SCMH1: variants seen among roughly 807,000 people sequenced by gnomAD.
SCMH1 encodes polycomb protein SCMH1.
A neutral mutation model predicts 70.8 loss-of-function variants in SCMH1; 37 were observed. The ratio of observed to expected loss-of-function variants is 0.52; its 90% CI spans 0.40 to 0.69. The LOEUF is 0.69. Ranked by LOEUF, SCMH1 falls within the 30% of genes least tolerant of loss-of-function variation. The pLI, the probability that SCMH1 is intolerant of heterozygous loss-of-function variation, is 0.00. For synonymous variants in SCMH1, 292 were observed against 307.4 expected (o/e 0.95, Z 0.52); for missense variants, 607 against 827.3 (o/e 0.73, Z 3.27).
chr1:41,095,038 G>C (rs1664714383), intron 8 of SCMH1, among the ~76,000 whole-genome samples: 1 of 151,840 alleles, frequency 6.6e-6, no homozygotes, highest in Non-Finnish European at 1.5e-5. Flanking sequence ...TCCTTCTTCT[G>C]CTTTACCTGT....
chr1:41,169,399 C>T (rs1646637512), intron 2 of SCMH1, among the ~76,000 whole-genome samples: 1 of 151,926 alleles, frequency 6.6e-6, no homozygotes, highest in Non-Finnish European at 1.5e-5. Context: ...CCTACATGTT[C>T]CTACTTCCTT....
At chr1:41,147,410 A>G (rs1399486423) in intron 5 of SCMH1, among the ~76,000 whole-genome samples, 1 of 152,160 alleles carries the variant, frequency 6.6e-6, no homozygotes, top group East Asian at 1.9e-4. Flanking sequence ...TTTAGAGTTT[A>G]GGATTTAGAA....
chr1:41,159,836 C>T, intron 4 of SCMH1: 3 of 1,379,220 alleles, frequency 2.2e-6, no homozygotes, highest in Non-Finnish European at 2.8e-6. Flanking sequence ...AGCCGCTGAA[C>T]AGAATGAAAA....
chr1:41,192,124 T>C (rs569656215), intron 1 of SCMH1, among the ~76,000 whole-genome samples: 35 of 152,294 alleles, frequency 2.3e-4, no homozygotes, highest in Admixed American at 1.8e-3. Context: ...AAGTATCTGC[T>C]TCCTTGCCCT....
chr1:41,083,162 T>C (rs1660560742), intron 8 of SCMH1, among the ~76,000 whole-genome samples: 2 of 152,120 alleles, frequency 1.3e-5, no homozygotes, highest in East Asian at 3.9e-4. Context: ...GGGTATTTAA[T>C]TAGGAAAAGA....
chr1:41,106,497 C>G (rs1479751790), intron 8 of SCMH1, among the ~76,000 whole-genome samples: 1 of 151,762 alleles, frequency 6.6e-6, no homozygotes, highest in African/African-American at 2.4e-5. Context: ...AACCTTTTTT[C>G]TTTATAAATT....
chr1:41,178,835 A>G (rs1647801144), intron 2 of SCMH1, among the ~76,000 whole-genome samples: 1 of 152,198 alleles, frequency 6.6e-6, no homozygotes, highest in Admixed American at 6.5e-5. Context: ...ACAAGACAGA[A>G]AGTTAACAAG....
intron 8 of SCMH1, among the ~76,000 whole-genome samples, chr1:41,102,960 C>A (rs760258769): frequency 4.6e-5 from 7 of 152,000 alleles, no homozygotes; most frequent in Non-Finnish European, 1.0e-4. Context: ...CCCTCAGAAC[C>A]TCCTCTTTTT....
chr1:41,096,644 G>A (rs1665153066), intron 8 of SCMH1, among the ~76,000 whole-genome samples: 1 of 152,180 alleles, frequency 6.6e-6, no homozygotes. Flanking sequence ...ACGGCAAAAT[G>A]ATACTCTTGA....
chr1:41,182,667 C>T (rs986606071), intron 2 of SCMH1, among the ~76,000 whole-genome samples: 4 of 151,932 alleles, frequency 2.6e-5, no homozygotes, highest in East Asian at 1.9e-4. Context: ...GCCAGGATTA[C>T]GTCATTGCAC....
Position 41,160,914 on chromosome 1 carries a change from A to C in SCMH1, c.83-16T>G. ...TCAGCAGCTTCTAGTAAAGAAAAAA[A>C]TGTTGGAGCATAAGTCATTAAGACA... is the stretch of plus-strand genomic sequence containing the variant. On this transcript the variant is annotated splice_polypyrimidine_tract_variant and intron_variant, in intron 3 of 14. Transcript: ENST00000337495. The C allele has an allele frequency of 2.6e-6, 4 of 1,549,744 alleles. No homozygotes were observed. The highest frequency in any genetic ancestry group is 3.5e-6 in the Non-Finnish European group (4 of 1,146,248).
rs1669805913 is a variant in SCMH1 at position 41,113,846 on chromosome 1, A to G, written c.502-320T>C. ...CCACGGAGGTAACAGCTACCCATGC[A>G]TGTTTTATATTTTACTATATACATA... On this transcript the variant is annotated intron_variant, in intron 7 of 14. Transcript: ENST00000337495. This position sits in a 1 kb window ranked among gnomAD's most constrained non-coding sequence, Gnocchi z 4.3. 6.6e-6 allele frequency among the ~76,000 whole-genome samples: 1 copy of G among 152,106 alleles called. No homozygotes were observed. Among genetic ancestry groups the G allele is most frequent in the African/African-American group, 2.4e-5 (1 of 41,432 alleles).
chr1:41,032,804 C>G (rs1644719846), intron 13 of SCMH1, among the ~76,000 whole-genome samples: 1 of 151,698 alleles, frequency 6.6e-6, no homozygotes, highest in African/African-American at 2.4e-5. Context: ...ATGGTGAAAC[C>G]CCGTCTCTAC....
chr1:41,196,517 A>G (rs1432181864), intron 1 of SCMH1, among the ~76,000 whole-genome samples: 2 of 152,198 alleles, frequency 1.3e-5, no homozygotes, highest in Non-Finnish European at 2.9e-5. Context: ...TTGAATACTT[A>G]CCTTATACCA....
At chr1:41,186,621 C>A (rs1572921741) in intron 1 of SCMH1, among the ~76,000 whole-genome samples, 2 of 152,120 alleles carry the variant, frequency 1.3e-5, no homozygotes, top group Non-Finnish European at 2.9e-5. Flanking sequence ...AAAGCCCTAA[C>A]CCCCAATGTG....
chr1:41,115,637 T>C (rs1345012476), intron 7 of SCMH1, among the ~76,000 whole-genome samples: 1 of 152,144 alleles, frequency 6.6e-6, no homozygotes, highest in African/African-American at 2.4e-5. Context: ...GGGGTCTTGC[T>C]ACAGGTGGCC....
intron 1 of SCMH1, among the ~76,000 whole-genome samples, chr1:41,212,199 G>A (rs1657180630): frequency 6.6e-6 from 1 of 152,066 alleles, no homozygotes. Flanking sequence ...GGGCACTTTA[G>A]TATTTGTAAG....
chr1:41,154,180 A>G (rs1645315550), intron 4 of SCMH1, among the ~76,000 whole-genome samples: 1 of 152,212 alleles, frequency 6.6e-6, no homozygotes, highest in Non-Finnish European at 1.5e-5. Context: ...TTATAGTCTC[A>G]TTTCTTTAAA....
chr1:41,057,878 T>TG (rs1258706166), intron 10 of SCMH1, among the ~76,000 whole-genome samples: 1 of 151,822 alleles, frequency 6.6e-6, no homozygotes, highest in African/African-American at 2.4e-5. Context: ...TAGCACTTTG[T>TG]GGGGGGTCAA....
Sources: gnomAD v4.1 joint callset for allele counts (sites outside exome capture counted in the v4.1 genomes callset) on GRCh38, gnomAD v4.1.1 for gene constraint, Gnocchi (gnomAD v3.1) non-coding constraint, MANE v1.5 for transcripts, NCBI Gene and HGNC (gene_info 2026-07-23, HGNC 2026-07-21) for gene names.